The following PLPPR5 variants were observed in gnomAD, a reference collection of about 807,000 sequenced individuals.
PLPPR5 encodes the protein phospholipid phosphatase-related protein type 5.
Under a neutral mutation model 33.9 loss-of-function variants are expected in PLPPR5, and 16 were observed. The ratio of observed to expected loss-of-function variants is 0.47; its 90% CI spans 0.32 to 0.72. PLPPR5 has a LOEUF of 0.72. PLPPR5 is among the 30% of genes least tolerant of loss of function. The pLI, the probability that PLPPR5 is intolerant of heterozygous loss-of-function variation, is 0.03. For synonymous variants in PLPPR5, 163 were observed against 150.3 expected, an observed-to-expected ratio of 1.08 and a Z score of -0.62; for missense variants, 301 against 406.7, an observed-to-expected ratio of 0.74 and a Z score of 2.23.
chr1:98,899,392 T>G (rs1203093158), intron 5 of PLPPR5, among the ~76,000 whole-genome samples: 1 of 152,212 alleles, frequency 6.6e-6, no homozygotes, highest in Non-Finnish European at 1.5e-5. Context: ...TTTATGCCAG[T>G]CTGAGTACCA....
chr1:98,945,864 C>A (rs1036441962), intron 3 of PLPPR5, among the ~76,000 whole-genome samples: 1 of 152,174 alleles, frequency 6.6e-6, no homozygotes, highest in African/African-American at 2.4e-5. Context: ...GTGGACAATG[C>A]AGTACTGGCT....
chr1:98,903,474 T>G (rs1409364381), intron 5 of PLPPR5, among the ~76,000 whole-genome samples: 1 of 152,194 alleles, frequency 6.6e-6, no homozygotes, highest in East Asian at 1.9e-4. Context: ...ATATTTGTCT[T>G]GGCAAGAAAC....
At chr1:98,968,039 C>A (rs929255951) in intron 1 of PLPPR5, among the ~76,000 whole-genome samples, 2 of 152,044 alleles carry the variant, frequency 1.3e-5, no homozygotes, top group African/African-American at 4.8e-5. Flanking sequence ...TCACAAGCTA[C>A]GAGCATTCTT....
At chr1:98,979,447 C>T (rs560023733) in intron 1 of PLPPR5, among the ~76,000 whole-genome samples, 13 of 152,098 alleles carry the variant, frequency 8.5e-5, no homozygotes, top group African/African-American at 1.4e-4. Context: ...CCTATACAAA[C>T]GTAAGGGGCT....
At chr1:98,945,508 G>A (rs974634267) in intron 3 of PLPPR5, among the ~76,000 whole-genome samples, 1 of 152,182 alleles carries the variant, frequency 6.6e-6, no homozygotes, top group Non-Finnish European at 1.5e-5. Context: ...GTAGTGTGAT[G>A]TAAAAGACCA....
chr1:98,908,350 A>G (rs1475393955), intron 5 of PLPPR5, among the ~76,000 whole-genome samples: 1 of 152,214 alleles, frequency 6.6e-6, no homozygotes, highest in African/African-American at 2.4e-5. Flanking sequence ...ACTCTTGGTG[A>G]CACAGCTATA....
At chr1:98,978,235 A>C (rs759444892) in intron 1 of PLPPR5, among the ~76,000 whole-genome samples, 17 of 152,074 alleles carry the variant, frequency 1.1e-4, no homozygotes, top group Non-Finnish European at 7.4e-5. Context: ...GAAGGAATGA[A>C]GGAAGACAGG....
At chr1:98,905,700 G>C (rs1182426145) in intron 5 of PLPPR5, among the ~76,000 whole-genome samples, 1 of 151,930 alleles carries the variant, frequency 6.6e-6, no homozygotes, top group Non-Finnish European at 1.5e-5. Context: ...ATCTAATTAA[G>C]TTTTATATTT....
intron 5 of PLPPR5, among the ~76,000 whole-genome samples, chr1:98,895,610 C>T (rs1648443904): frequency 6.6e-6 from 1 of 151,932 alleles, no homozygotes; most frequent in Non-Finnish European, 1.5e-5. Context: ...AAAAATATCA[C>T]CAAGTTAAAC....
Position 99,004,711 on chromosome 1 carries a change from G to A in PLPPR5, c.-40C>T, listed in dbSNP as rs1289802401. On this transcript the variant is annotated 5_prime_UTR_variant, in exon 1 of 6. Transcript: ENST00000263177. The stretch of plus-strand genomic sequence containing the variant: ...CCGGGCCGAGCCGAGCCGAGCGGGC[G>A]GTCGACGCGGTGGGCCCCCTCCCCG... 2.2e-6 allele frequency: 3 copies of A among 1,385,106 alleles called. No individual in the cohort carries two copies. Among genetic ancestry groups the A allele is most frequent in the Non-Finnish European group, 1.9e-6 (2 of 1,048,652 alleles). 85.8% of individuals were successfully genotyped at this position (1,385,106 alleles called of 1,614,324 possible). A position where few individuals can be genotyped will look rare whatever the true frequency, so the allele number is the denominator to read the frequency against.
intron 1 of PLPPR5, among the ~76,000 whole-genome samples, chr1:98,996,339 A>C (rs1319134018): frequency 1.3e-5 from 2 of 152,102 alleles, no homozygotes; most frequent in African/African-American, 4.8e-5. Flanking sequence ...AGAAAATCCC[A>C]TAATAAATTA....
intron 5 of PLPPR5, among the ~76,000 whole-genome samples, chr1:98,913,962 G>T (rs1570692615): frequency 6.6e-6 from 1 of 152,170 alleles, no homozygotes; most frequent in Non-Finnish European, 1.5e-5. Flanking sequence ...GCTGCATTCA[G>T]CCCAATGGAG....
intron 5 of PLPPR5, among the ~76,000 whole-genome samples, chr1:98,895,423 A>G (rs1216396249): frequency 1.3e-5 from 2 of 152,016 alleles, no homozygotes; most frequent in East Asian, 1.9e-4. Flanking sequence ...TTATAGCAGC[A>G]CAAAACAGAC....
At position 98,956,748 on chromosome 1, in the gene PLPPR5, A is replaced by C; in HGVS notation, c.238-7T>G. 6.5e-7 allele frequency: 1 copy of C among 1,537,606 alleles called. No individual in the cohort carries two copies. Among genetic ancestry groups the C allele is most frequent in the Non-Finnish European group, 8.7e-7 (1 of 1,145,482 alleles). On this transcript the variant is annotated splice_polypyrimidine_tract_variant and splice_region_variant and intron_variant, in intron 1 of 5. Coordinates refer to ENST00000263177, the MANE Select transcript of PLPPR5 (RefSeq NM_001037317.2). Reference sequence around the variant, plus strand: ...CAGTTTCTCCAACTATTATCTTGAAAGAAAATAAAAGATTAAGGAATATTA... The same window carrying C: ...CAGTTTCTCCAACTATTATCTTGAACGAAAATAAAAGATTAAGGAATATTA...
Position 98,945,656 on chromosome 1 carries a change from C to G in PLPPR5, c.621+7414G>C, listed in dbSNP as rs564403032. On this transcript the variant is annotated intron_variant, in intron 3 of 5. Transcript: ENST00000263177. ...TGTGAAATAAATACAGCCATACTTTCATTTCAGCCACTCTAAAGAATTAGC... is the reference window on the plus strand; with the variant it reads ...TGTGAAATAAATACAGCCATACTTTGATTTCAGCCACTCTAAAGAATTAGC... 9.8e-5 allele frequency among the ~76,000 whole-genome samples: 15 copies of G among 152,340 alleles called. No homozygotes were observed. The South Asian group carries it at 3.1e-3, about 32-fold the overall frequency.
At chr1:98,925,770 T>C (rs983525179) in intron 3 of PLPPR5, among the ~76,000 whole-genome samples, 5 of 152,194 alleles carry the variant, frequency 3.3e-5, no homozygotes, top group Non-Finnish European at 7.3e-5. Context: ...AGAGGAGGCA[T>C]CTATGGTTAG....
At chr1:98,986,527 G>C (rs1334621466) in intron 1 of PLPPR5, among the ~76,000 whole-genome samples, 1 of 151,746 alleles carries the variant, frequency 6.6e-6, no homozygotes, top group Non-Finnish European at 1.5e-5. Flanking sequence ...AAGTTGTAAA[G>C]TATAAGGATA....
intron 1 of PLPPR5, among the ~76,000 whole-genome samples, chr1:98,976,688 C>T (rs188345442): frequency 3.6e-4 from 54 of 151,800 alleles, no homozygotes; most frequent in Non-Finnish European, 5.9e-4. Context: ...AGACTTAGTA[C>T]AAAAACGATA....
chr1:98,929,139 A>G (rs949447764), intron 3 of PLPPR5, among the ~76,000 whole-genome samples: 1 of 152,168 alleles, frequency 6.6e-6, no homozygotes, highest in African/African-American at 2.4e-5. Context: ...ACCTTACATA[A>G]ATTACTGAAC....
Sources: allele counts gnomAD v4.1 joint callset (sites outside exome capture counted in the v4.1 genomes callset), GRCh38; gene constraint gnomAD v4.1.1; transcripts MANE v1.5; gene names NCBI Gene and HGNC (gene_info 2026-07-23, HGNC 2026-07-21).